The following EPB41L3 variants were observed in gnomAD, a reference collection of about 807,000 sequenced individuals.
The protein encoded by EPB41L3 is erythrocyte membrane protein band 4.1 like 3, also known as band 4.1-like protein 3.
EPB41L3 carries 57 observed loss-of-function variants against 127.1 expected under a neutral mutation model. The observed-to-expected ratio is 0.45, with a 90% CI of 0.36 to 0.56. The LOEUF (loss-of-function observed/expected upper bound fraction) is 0.56, where lower values mean the gene tolerates loss of function less well. Among genes scored for constraint, EPB41L3 ranks in the 20% least tolerant of loss-of-function variants. The pLI is 0.00. For synonymous variants in EPB41L3, 572 were observed against 549.5 expected, an observed-to-expected ratio of 1.04 and a Z score of -0.57; for missense variants, 1,273 against 1,372.2, an observed-to-expected ratio of 0.93 and a Z score of 1.14.
intron 1 of EPB41L3, among the ~76,000 whole-genome samples, chr18:5,525,542 T>C (rs1166233031): frequency 6.6e-6 from 1 of 152,208 alleles, no homozygotes; most frequent in Admixed American, 6.5e-5. Context: ...GCAATATTAG[T>C]AAGTTACTGA....
rs1306867046 is a variant in EPB41L3 at position 5,522,093 on chromosome 18, T to C, written c.-12+21820A>G. On this transcript the variant is annotated intron_variant, in intron 1 of 22. Coordinates refer to ENST00000341928, the MANE Select transcript of EPB41L3 (RefSeq NM_012307.5). ...GTATTTTCTTCCAATGCCAAATCGT[T>C]ATTTATTTATTTATTTATTTATTTT... Among the ~76,000 whole-genome samples the C allele has an allele frequency of 5.9e-5, 9 of 151,778 alleles. No homozygotes were observed. The South Asian group carries it at 1.0e-3, about 18-fold the overall frequency.
intron 3 of EPB41L3, among the ~76,000 whole-genome samples, chr18:5,453,341 A>G (rs1472728525): frequency 6.6e-6 from 1 of 152,280 alleles, no homozygotes; most frequent in Admixed American, 6.5e-5. Context: ...GAGGAGAGCA[A>G]GTTGTTTTGC....
At chr18:5,400,775 T>C in intron 16 of EPB41L3, 1 of 580,162 alleles carries the variant, frequency 1.7e-6, no homozygotes, top group Non-Finnish European at 3.1e-6. Context: ...CATGAAGAAA[T>C]GATGCATAAC....
chr18:5,404,813 T>G (rs2075090949), intron 16 of EPB41L3, among the ~76,000 whole-genome samples: 1 of 152,208 alleles, frequency 6.6e-6, no homozygotes, highest in Non-Finnish European at 1.5e-5. Context: ...CTTAATCCAG[T>G]ATCTGATATC....
intron 8 of EPB41L3, among the ~76,000 whole-genome samples, chr18:5,433,046 G>C (rs1470395665): frequency 6.6e-6 from 1 of 152,214 alleles, no homozygotes; most frequent in Non-Finnish European, 1.5e-5. Flanking sequence ...GAGGAGGATA[G>C]TCCAGAGACG....
intron 3 of EPB41L3, among the ~76,000 whole-genome samples, chr18:5,592,029 C>T (rs1471646400): frequency 6.6e-6 from 1 of 152,134 alleles, no homozygotes; most frequent in Non-Finnish European, 1.5e-5. Context: ...GGTGAAATTT[C>T]TTCAGCATCT....
chr18:5,438,219 C>A, intron 5 of EPB41L3, 109 bp from the exon 6 acceptor site: 1 of 897,556 alleles, frequency 1.1e-6, no homozygotes, highest in Admixed American at 2.8e-5. Flanking sequence ...CAACTTTTGA[C>A]CATTAATGGA....
intron 3 of EPB41L3, among the ~76,000 whole-genome samples, chr18:5,578,329 G>A (rs1271416033): frequency 1.3e-5 from 2 of 152,128 alleles, no homozygotes; most frequent in Non-Finnish European, 2.9e-5. Flanking sequence ...ACTCTGCATT[G>A]GATACATATT....
chr18:5,446,853 C>T (rs1039981750), intron 3 of EPB41L3, among the ~76,000 whole-genome samples: 5 of 152,148 alleles, frequency 3.3e-5, no homozygotes, highest in African/African-American at 7.2e-5. Context: ...ATAAATATTT[C>T]GACAATGAAG....
chr18:5,422,329 G>A (rs562286440), intron 11 of EPB41L3, among the ~76,000 whole-genome samples: 1 of 152,286 alleles, frequency 6.6e-6, no homozygotes, highest in African/African-American at 2.4e-5. Flanking sequence ...GTTGTTTTTA[G>A]TTGGGAGATT....
rs557521640 is a variant in EPB41L3, at chr18:5,611,852, G to A, written c.-306+488C>T. 3.3e-5 allele frequency among the ~76,000 whole-genome samples: 5 copies of A among 151,896 alleles called. No homozygotes were observed. The East Asian group carries it at 5.8e-4, about 18-fold the overall frequency. ...TAGAGACAGGGTACTTCTTATACTC[G>A]GGAAGCTGATGTGTGAGGATCACTT... On this transcript the variant is annotated intron_variant, in intron 3 of 21. Transcript: ENST00000545076.
At chr18:5,545,569 G>C (rs1279596684), upstream of EPB41L3, among the ~76,000 whole-genome samples, 1 of 152,214 alleles carries the variant, frequency 6.6e-6, no homozygotes. Context: ...ATATTCTATA[G>C]ATGTGTAGCT....
At chr18:5,487,260 T>C (rs1346250907) in intron 2 of EPB41L3, among the ~76,000 whole-genome samples, 1 of 152,022 alleles carries the variant, frequency 6.6e-6, no homozygotes, top group African/African-American at 2.4e-5. Context: ...CTCACTCATA[T>C]GTGGGGGCTA....
At chr18:5,418,921 A>G (rs910599959) in intron 12 of EPB41L3, among the ~76,000 whole-genome samples, 3 of 152,056 alleles carry the variant, frequency 2.0e-5, no homozygotes, top group African/African-American at 7.2e-5. Flanking sequence ...TCATTCTGCT[A>G]TTTCCTCTTA....
chr18:5,616,644 A>G (rs1196268740), intron 1 of EPB41L3, among the ~76,000 whole-genome samples: 1 of 152,222 alleles, frequency 6.6e-6, no homozygotes, highest in Admixed American at 6.5e-5. Flanking sequence ...GAACGTCACC[A>G]ATGTGGTTGC....
At chr18:5,622,100 T>G (rs2094869603) in intron 1 of EPB41L3, among the ~76,000 whole-genome samples, 1 of 152,288 alleles carries the variant, frequency 6.6e-6, no homozygotes, top group Non-Finnish European at 1.5e-5. Flanking sequence ...GAAAATTACA[T>G]TTAAATATAC....
At chr18:5,603,560 T>C (rs544397715) in intron 3 of EPB41L3, among the ~76,000 whole-genome samples, 2 of 152,244 alleles carry the variant, frequency 1.3e-5, no homozygotes, top group East Asian at 3.9e-4. Context: ...CTCCTTTCAA[T>C]GGATATAAGT....
chr18:5,434,957 C>T (rs1049685301), intron 6 of EPB41L3, among the ~76,000 whole-genome samples: 4 of 152,142 alleles, frequency 2.6e-5, no homozygotes, highest in Admixed American at 2.0e-4. Context: ...TCCAGTGGGA[C>T]AGGATGTGTA....
chr18:5,448,027 A>G (rs957982990), intron 3 of EPB41L3, among the ~76,000 whole-genome samples: 1 of 152,190 alleles, frequency 6.6e-6, no homozygotes, highest in Non-Finnish European at 1.5e-5. Flanking sequence ...TACCTGCTAA[A>G]TATCAGCATG....
Sources: gnomAD v4.1 joint callset for allele counts (sites outside exome capture counted in the v4.1 genomes callset) on GRCh38, gnomAD v4.1.1 for gene constraint, MANE v1.5 for transcripts, NCBI Gene and HGNC (gene_info 2026-07-23, HGNC 2026-07-21) for gene names.